PEAK1: variants seen among roughly 807,000 people sequenced by gnomAD.
The protein encoded by PEAK1 is pseudopodium enriched atypical kinase 1.
Under a neutral mutation model 124.7 loss-of-function variants are expected in PEAK1, and 54 were observed. The observed-to-expected ratio is 0.43, with a 90% CI of 0.35 to 0.54. PEAK1 has a LOEUF of 0.54. Ranked by LOEUF, PEAK1 falls within the 20% of genes least tolerant of loss-of-function variation. PEAK1 has a pLI of 0.01. For synonymous variants in PEAK1, 719 were observed against 760.0 expected, an observed-to-expected ratio of 0.95 and a Z score of 0.89; for missense variants, 2,046 against 2,134.5, an observed-to-expected ratio of 0.96 and a Z score of 0.82.
chr15:77,397,934 G>A (rs964208534), intron 1 of PEAK1, among the ~76,000 whole-genome samples: 12 of 151,972 alleles, frequency 7.9e-5, no homozygotes, highest in Admixed American at 1.3e-4. Flanking sequence ...GCATGGTGGC[G>A]CATGCCTGTA....
At chr15:77,356,115 G>A (rs2067502753) in intron 2 of PEAK1, among the ~76,000 whole-genome samples, 1 of 152,184 alleles carries the variant, frequency 6.6e-6, no homozygotes, top group Non-Finnish European at 1.5e-5. Flanking sequence ...TCTGGTGAGG[G>A]ATAAGAATGT....
chr15:77,258,760 A>G (rs971955366), intron 5 of PEAK1, among the ~76,000 whole-genome samples: 2 of 152,088 alleles, frequency 1.3e-5, no homozygotes, highest in African/African-American at 4.8e-5. Flanking sequence ...TTCCAACACT[A>G]TGTTGAATAG....
At chr15:77,107,245 G>C (rs1363480985), downstream of PEAK1, 1 of 152,400 alleles carries the variant, frequency 6.6e-6, no homozygotes, top group Non-Finnish European at 1.5e-5. Context: ...CACAGCTGCA[G>C]CAGGCAGGGC....
Position 77,299,236 on chromosome 15 carries a change from T to C in PEAK1, c.-602-12732A>G, listed in dbSNP as rs16968758. Among the ~76,000 whole-genome samples, 659 of 152,366 alleles carry C rather than the reference T, an allele frequency of 4.3e-3. 4 individuals are homozygous for C. The highest frequency in any genetic ancestry group is 0.015 in the African/African-American group (605 of 41,584). Reference sequence around the variant, plus strand: ...GATATTTCATTGATCAGATGTATTCTTAATGAATGTCTCCTCTTATCCACT... The same window carrying C: ...GATATTTCATTGATCAGATGTATTCCTAATGAATGTCTCCTCTTATCCACT... On this transcript the variant is annotated intron_variant, in intron 2 of 9. Coordinates refer to ENST00000682557, the MANE Select transcript of PEAK1 (RefSeq NM_001385026.1).
At chr15:77,306,857 C>T (rs1365952322) in intron 2 of PEAK1, among the ~76,000 whole-genome samples, 1 of 152,072 alleles carries the variant, frequency 6.6e-6, no homozygotes, top group African/African-American at 2.4e-5. Context: ...CAGAATAAGG[C>T]TTTTTATTAA....
At chr15:77,155,906 C>T (rs4450362) in intron 8 of PEAK1, 41,705 of 152,858 alleles carry the variant, frequency 0.27, 6,741 homozygotes, top group Middle Eastern at 0.38. Context: ...TGTCAGTCTG[C>T]CCCTACTGGG....
At chr15:77,356,721 T>C (rs1286517372) in intron 2 of PEAK1, among the ~76,000 whole-genome samples, 1 of 152,246 alleles carries the variant, frequency 6.6e-6, no homozygotes, top group Non-Finnish European at 1.5e-5. Context: ...TATTATAGTT[T>C]GCTCAAGGTG....
At position 77,258,453 on chromosome 15, in the gene PEAK1, C is replaced by A. The variant is rs185779487; in HGVS notation, c.-274-5927G>T. On this transcript the variant is annotated intron_variant, in intron 5 of 9. Transcript: ENST00000682557. ...GAAGAGGTCCTTCACGTCCCTTGTA[C>A]GTTGGATTCCTAGGTATTGTATTCT... Among the ~76,000 whole-genome samples, 570 of 151,864 alleles carry A rather than the reference C, an allele frequency of 3.8e-3. 6 individuals are homozygous for A. Among genetic ancestry groups the A allele is most frequent in the African/African-American group, 0.013 (518 of 41,324 alleles).
chr15:77,309,897 C>A (rs1236469825), intron 2 of PEAK1, among the ~76,000 whole-genome samples: 1 of 152,024 alleles, frequency 6.6e-6, no homozygotes, highest in Admixed American at 6.6e-5. Flanking sequence ...AATAAAAGAA[C>A]CTTAAGTCAT....
chr15:77,177,285 A>G (rs192349510), intron 7 of PEAK1, among the ~76,000 whole-genome samples: 52 of 152,244 alleles, frequency 3.4e-4, no homozygotes, highest in Admixed American at 1.0e-3. Flanking sequence ...TTACTACTGG[A>G]GTACATTCTG....
chr15:77,250,105 C>A lies in PEAK1; in HGVS notation c.-115+2262G>T, dbSNP rs529698340. Among the ~76,000 whole-genome samples the A allele has an allele frequency of 7.9e-4, 113 of 142,808 alleles. 1 individual carries two copies. Among genetic ancestry groups the A allele is most frequent in the African/African-American group, 3.0e-3 (109 of 36,284 alleles). 93.7% of individuals were successfully genotyped at this position (142,808 alleles called of 152,430 possible). A position where few individuals can be genotyped will look rare whatever the true frequency, so the allele number is the denominator to read the frequency against. ...ATAATGCCACAAGTAGAGGTTTAACCCACAATTAGAGATTTTTTTTTAAAG... is the reference window on the plus strand; with the variant it reads ...ATAATGCCACAAGTAGAGGTTTAACACACAATTAGAGATTTTTTTTTAAAG... On this transcript the variant is annotated intron_variant, in intron 6 of 9. Transcript: ENST00000682557.
At chr15:77,251,073 C>A (rs936502971) in intron 6 of PEAK1, among the ~76,000 whole-genome samples, 1 of 152,284 alleles carries the variant, frequency 6.6e-6, no homozygotes, top group African/African-American at 2.4e-5. Context: ...GTCCATCATA[C>A]CCATTCACTA....
intron 7 of PEAK1, among the ~76,000 whole-genome samples, chr15:77,163,729 A>G (rs1372115881): frequency 2.0e-5 from 3 of 152,186 alleles, no homozygotes; most frequent in African/African-American, 7.2e-5. Flanking sequence ...CAATAAGTAA[A>G]ATCTGACTTC....
At chr15:77,408,119 A>G (rs62007286) in intron 1 of PEAK1, among the ~76,000 whole-genome samples, 1 of 146,984 alleles carries the variant, frequency 6.8e-6, no homozygotes, top group African/African-American at 2.5e-5. Flanking sequence ...ATATACACAT[A>G]TATACATATA....
chr15:77,365,741 T>TAAA lies in PEAK1; in HGVS notation c.-665-519_-665-517dup, dbSNP rs71145816. Among the ~76,000 whole-genome samples, 539 of 79,642 alleles carry TAAA rather than the reference T, an allele frequency of 6.8e-3. 10 individuals carry two copies. The highest frequency in any genetic ancestry group is 0.026 in the African/African-American group (508 of 19,690). The allele number at this position is 79,642 out of a possible 152,430, so 52.2% of individuals were successfully genotyped here. A position where few individuals can be genotyped will look rare whatever the true frequency, so the allele number is the denominator to read the frequency against. On this transcript the variant is annotated intron_variant, in intron 1 of 9. Transcript: ENST00000682557. ...GGCGATAGAGCAAGACTCCATCTCA[T>TAAA]AAAAAAAAAAAAAAAAAAAAAAGAT... is the stretch of plus-strand genomic sequence containing the variant.
chr15:77,179,684 G>C lies in PEAK1; in HGVS notation c.2243C>G (p.Thr748Ser). The C allele has an allele frequency of 6.2e-7, 1 of 1,614,074 alleles. No individual in the cohort carries two copies. Among genetic ancestry groups the C allele is most frequent in the Non-Finnish European group, 8.5e-7 (1 of 1,180,006 alleles). ...GCTGCCCACCATCTGAGACTCCTGA[G>C]TGCCTTCTATTTTGGCCACAGGCTC... is the stretch of plus-strand genomic sequence containing the variant. ...TQEPVAKIEG[T>S]QESQMVGSSS... is the part of the protein sequence containing the mutation. The change falls in exon 7 of 10, where the codon ACT becomes AGT. Residue 748 changes from threonine to serine, a missense_variant. Thr to Ser is a moderately conservative substitution (Grantham distance 58). Transcript: ENST00000682557.
At chr15:77,322,016 C>T (rs1444586701) in intron 2 of PEAK1, among the ~76,000 whole-genome samples, 2 of 152,172 alleles carry the variant, frequency 1.3e-5, no homozygotes, top group Non-Finnish European at 2.9e-5. Flanking sequence ...GAACAACCTG[C>T]TCCTGAATGA....
intron 1 of PEAK1, among the ~76,000 whole-genome samples, chr15:77,412,720 A>G (rs1315716164): frequency 6.6e-5 from 10 of 152,184 alleles, no homozygotes; most frequent in Non-Finnish European, 1.5e-4. Flanking sequence ...GCTTCAAAAT[A>G]TCATCCTCCA....
chr15:77,406,574 C>T (rs916423333), intron 1 of PEAK1, among the ~76,000 whole-genome samples: 1 of 152,100 alleles, frequency 6.6e-6, no homozygotes, highest in African/African-American at 2.4e-5. Flanking sequence ...TACACCTAAC[C>T]AAGGAGGTGA....
Sources: gnomAD v4.1 joint callset for allele counts (sites outside exome capture counted in the v4.1 genomes callset) on GRCh38, gnomAD v4.1.1 for gene constraint, MANE v1.5 for transcripts, NCBI Gene and HGNC (gene_info 2026-07-23, HGNC 2026-07-21) for gene names.